ERC1: variants seen among roughly 807,000 people sequenced by gnomAD.
ERC1 encodes the protein ELKS/RAB6-interacting/CAST family member 1.
A neutral mutation model predicts 132.0 loss-of-function variants in ERC1; 56 were observed. The ratio of observed to expected loss-of-function variants is 0.42; its 90% CI spans 0.34 to 0.53. The LOEUF (loss-of-function observed/expected upper bound fraction) is 0.53, where lower values mean the gene tolerates loss of function less well. Ranked by LOEUF, ERC1 falls within the 20% of genes least tolerant of loss-of-function variation. ERC1 has a pLI of 0.03. For synonymous variants in ERC1, 478 were observed against 476.1 expected (o/e 1.00, Z -0.05); for missense variants, 1,202 against 1,349.9 (o/e 0.89, Z 1.72).
intron 7 of ERC1, 60 bp downstream of exon 7, chr12:1,116,093 A>G (rs1263860000): frequency 6.9e-7 from 1 of 1,444,434 alleles, no homozygotes; most frequent in Non-Finnish European, 9.5e-7. Flanking sequence ...CATAAGCGTT[A>G]CCTGTGCTGT....
intron 17 of ERC1, among the ~76,000 whole-genome samples, chr12:1,423,860 T>G (rs2092519241): frequency 6.6e-6 from 1 of 152,218 alleles, no homozygotes; most frequent in Non-Finnish European, 1.5e-5. Context: ...TCATTTGTCT[T>G]GAAATCTACT....
chr12:1,201,745 A>G (rs1332849647), intron 12 of ERC1, among the ~76,000 whole-genome samples: 1 of 152,214 alleles, frequency 6.6e-6, no homozygotes, highest in Non-Finnish European at 1.5e-5. Context: ...TCAAAGATCT[A>G]CCATATAGAA....
intron 13 of ERC1, among the ~76,000 whole-genome samples, chr12:1,241,934 C>G (rs576689307): frequency 1.9e-4 from 26 of 134,912 alleles, no homozygotes; most frequent in African/African-American, 7.4e-4. Flanking sequence ...TCTCGGTTTG[C>G]TGCAACCTTC....
chr12:1,459,181 T>C (rs571936761), intron 18 of ERC1, among the ~76,000 whole-genome samples: 2 of 152,324 alleles, frequency 1.3e-5, no homozygotes, highest in East Asian at 3.9e-4. Context: ...AAATAATACA[T>C]TAGGTTTCTG....
At chr12:1,118,122 T>C (rs1336222230) in intron 7 of ERC1, among the ~76,000 whole-genome samples, 1 of 152,204 alleles carries the variant, frequency 6.6e-6, no homozygotes, top group Non-Finnish European at 1.5e-5. Context: ...TATTAATCGT[T>C]TTTCACTTCA....
At chr12:1,231,342 CA>C (rs1267420793) in intron 12 of ERC1, among the ~76,000 whole-genome samples, 2 of 152,140 alleles carry the variant, frequency 1.3e-5, no homozygotes, top group African/African-American at 4.8e-5. Context: ...CTATTGATGT[CA>C]CACTTTACAT....
At chr12:1,092,419 G>C (rs1943369332) in intron 3 of ERC1, among the ~76,000 whole-genome samples, 2 of 152,294 alleles carry the variant, frequency 1.3e-5, no homozygotes, top group South Asian at 4.1e-4. Context: ...TGGTATATTT[G>C]TTTGCCCGTG....
intron 15 of ERC1, among the ~76,000 whole-genome samples, chr12:1,334,377 A>G (rs546344279): frequency 6.6e-6 from 1 of 152,270 alleles, no homozygotes; most frequent in African/African-American, 2.4e-5. Context: ...TTTTACATTT[A>G]AGTGTTTAAT....
chr12:1,269,886 C>T (rs2077713155), intron 14 of ERC1, among the ~76,000 whole-genome samples: 1 of 152,148 alleles, frequency 6.6e-6, no homozygotes, highest in African/African-American at 2.4e-5. Flanking sequence ...ATCCTCTATT[C>T]CTCAGAGGTG....
intron 11 of ERC1, among the ~76,000 whole-genome samples, chr12:1,189,647 C>G (rs971176355): frequency 2.0e-5 from 3 of 152,202 alleles, no homozygotes; most frequent in Non-Finnish European, 4.4e-5. Context: ...TTTAAAACAA[C>G]TAATCTACTT....
At chr12:1,337,654 A>G (rs921602019) in intron 15 of ERC1, among the ~76,000 whole-genome samples, 2 of 152,142 alleles carry the variant, frequency 1.3e-5, no homozygotes, top group African/African-American at 4.8e-5. Flanking sequence ...GTTTACTTAA[A>G]TGCGTTTTTG....
chr12:1,196,639 A>G (rs1956264354), intron 12 of ERC1, among the ~76,000 whole-genome samples: 1 of 151,346 alleles, frequency 6.6e-6, no homozygotes, highest in African/African-American at 2.4e-5. Context: ...GACCACAGGC[A>G]CACACCACCA....
chr12:1,472,803 C>G (rs565958842), intron 18 of ERC1, among the ~76,000 whole-genome samples: 2 of 152,296 alleles, frequency 1.3e-5, no homozygotes, highest in South Asian at 4.1e-4. Context: ...ACACTTATTA[C>G]ATGCCAGGCA....
intron 12 of ERC1, among the ~76,000 whole-genome samples, chr12:1,193,930 G>C (rs1382842975): frequency 1.3e-5 from 2 of 152,140 alleles, no homozygotes; most frequent in Non-Finnish European, 2.9e-5. Flanking sequence ...TTTCAAAAAA[G>C]TCATCATCTG....
chr12:1,351,495 CA>C (rs35793535), intron 15 of ERC1, among the ~76,000 whole-genome samples: 9,561 of 152,146 alleles, frequency 0.063, 376 homozygotes, highest in East Asian at 0.13. Flanking sequence ...GGATTTTGTC[CA>C]TTGTGGTAAG....
rs2154394702 is a variant in ERC1 at position 1,408,254 on chromosome 12, T to C, written c.3024+7T>C. The C allele has an allele frequency of 6.2e-7, 1 of 1,603,808 alleles. No individual in the cohort carries two copies. The highest frequency in any genetic ancestry group is 8.5e-7 in the Non-Finnish European group (1 of 1,171,560). On this transcript the variant is annotated splice_region_variant and intron_variant, in intron 17 of 18. Transcript: ENST00000360905. The stretch of plus-strand genomic sequence containing the variant: ...CAAGCCCTCCCCAGACCAGGTAAGA[T>C]GGCTCTGGAATGTTTTATTAAAAAA...
intron 8 of ERC1, among the ~76,000 whole-genome samples, chr12:1,163,856 C>T (rs1307650145): frequency 6.6e-6 from 1 of 152,146 alleles, no homozygotes; most frequent in Non-Finnish European, 1.5e-5. Flanking sequence ...GCTGGGATTA[C>T]AGGCATGCAG....
chr12:1,440,429 AT>A (rs2093094638), intron 17 of ERC1, among the ~76,000 whole-genome samples: 1 of 147,670 alleles, frequency 6.8e-6, no homozygotes, highest in Non-Finnish European at 1.5e-5. Flanking sequence ...GATGGTCTCG[AT>A]CTCCTGACCT....
chr12:1,479,956 C>T (rs1156467306), intron 18 of ERC1, among the ~76,000 whole-genome samples: 2 of 152,142 alleles, frequency 1.3e-5, no homozygotes, highest in African/African-American at 4.8e-5. Flanking sequence ...CCTCTAAGCC[C>T]CTGGAATACA....
Sources: gnomAD v4.1 joint callset for allele counts (sites outside exome capture counted in the v4.1 genomes callset) on GRCh38, gnomAD v4.1.1 for gene constraint, MANE v1.5 for transcripts, NCBI Gene and HGNC (gene_info 2026-07-23, HGNC 2026-07-21) for gene names.